PDE4B: variants seen among roughly 807,000 people sequenced by gnomAD.
The protein encoded by PDE4B is 3',5'-cyclic-AMP phosphodiesterase 4B.
In PDE4B, 20 loss-of-function variants were observed where a neutral mutation model predicts 82.2. The ratio of observed to expected loss-of-function variants is 0.24; its 90% CI spans 0.17 to 0.35. PDE4B has a LOEUF of 0.35. Ranked by LOEUF, PDE4B falls within the 10% of genes least tolerant of loss-of-function variation. The pLI is 1.00. For missense variants in PDE4B, 655 were observed against 907.2 expected, an observed-to-expected ratio of 0.72 and a Z score of 3.57; for synonymous variants, 320 against 318.9, an observed-to-expected ratio of 1.00 and a Z score of -0.04.
intron 7 of PDE4B, among the ~76,000 whole-genome samples, chr1:66,276,502 A>G (rs1655888589): frequency 6.6e-6 from 1 of 152,250 alleles, no homozygotes; most frequent in African/African-American, 2.4e-5. Flanking sequence ...AAGCGAAGTG[A>G]CTGGACTACC....
chr1:66,283,353 TTA>T (rs111823978), intron 7 of PDE4B, among the ~76,000 whole-genome samples: 59 of 151,610 alleles, frequency 3.9e-4, no homozygotes, highest in African/African-American at 1.3e-3. Context: ...ATTGTTACTA[TTA>T]TATATATATG....
At chr1:66,327,938 T>C (rs1659849619) in intron 7 of PDE4B, among the ~76,000 whole-genome samples, 1 of 152,208 alleles carries the variant, frequency 6.6e-6, no homozygotes, top group African/African-American at 2.4e-5. Context: ...CAAGATATAG[T>C]CTTGCTAGGA....
chr1:66,310,222 G>T (rs907569697), intron 7 of PDE4B, among the ~76,000 whole-genome samples: 3 of 152,118 alleles, frequency 2.0e-5, no homozygotes, highest in African/African-American at 7.2e-5. Context: ...GACATCATTT[G>T]GTACAACACC....
intron 1 of PDE4B, among the ~76,000 whole-genome samples, chr1:65,862,755 G>A (rs572005193): frequency 3.9e-5 from 6 of 152,062 alleles, no homozygotes; most frequent in South Asian, 4.2e-4. Flanking sequence ...TCAGGGATTC[G>A]GCTTCTTCCT....
At chr1:66,121,240 A>G (rs1326427877) in intron 3 of PDE4B, among the ~76,000 whole-genome samples, 1 of 152,190 alleles carries the variant, frequency 6.6e-6, no homozygotes, top group Non-Finnish European at 1.5e-5. Flanking sequence ...AGGAATGAGC[A>G]CTTCTGAGTG....
intron 7 of PDE4B, among the ~76,000 whole-genome samples, chr1:66,310,957 A>T (rs1199758767): frequency 6.6e-6 from 1 of 152,202 alleles, no homozygotes; most frequent in Non-Finnish European, 1.5e-5. Flanking sequence ...TTAATATTAG[A>T]TTGCATCACA....
At chr1:66,340,275 G>T (rs1034141965) in intron 8 of PDE4B, among the ~76,000 whole-genome samples, 3 of 152,166 alleles carry the variant, frequency 2.0e-5, no homozygotes. Flanking sequence ...TGACTTTAAA[G>T]TAGCCAAGTG....
rs985259910 is a variant in PDE4B at position 66,357,938 on chromosome 1, G to A, written c.841+2318G>A. Among the ~76,000 whole-genome samples the A allele has an allele frequency of 5.3e-5, 8 of 152,262 alleles. No individual in the cohort carries two copies. The East Asian group carries it at 9.6e-4, about 18-fold the overall frequency. ...ATTCTCTGTGGTGAACCCTAGGCTT[G>A]TAATCTGACAATCTCAAAAAACAAA... On this transcript the variant is annotated intron_variant, in intron 9 of 16. Transcript: ENST00000341517.
chr1:66,138,946 A>C (rs990590785), intron 3 of PDE4B, among the ~76,000 whole-genome samples: 11 of 152,192 alleles, frequency 7.2e-5, no homozygotes, highest in Non-Finnish European at 1.6e-4. Context: ...CTTTTAGCTA[A>C]GGAAGCTCTT....
At chr1:66,089,807 T>C (rs1299106405) in intron 3 of PDE4B, among the ~76,000 whole-genome samples, 2 of 152,106 alleles carry the variant, frequency 1.3e-5, no homozygotes, top group Non-Finnish European at 1.5e-5. Flanking sequence ...TTATCTTTGC[T>C]CACAGGATAA....
At chr1:66,183,429 T>C (rs1427622118) in intron 3 of PDE4B, among the ~76,000 whole-genome samples, 1 of 152,172 alleles carries the variant, frequency 6.6e-6, no homozygotes, top group Non-Finnish European at 1.5e-5. Flanking sequence ...TGCTGGGCAA[T>C]TTGGCTGCTG....
At chr1:66,286,245 G>T (rs546974207) in intron 7 of PDE4B, among the ~76,000 whole-genome samples, 2 of 152,182 alleles carry the variant, frequency 1.3e-5, no homozygotes, top group East Asian at 3.9e-4. Flanking sequence ...TTGAGGAGTT[G>T]GAACTTTTTG....
intron 8 of PDE4B, among the ~76,000 whole-genome samples, chr1:66,342,539 G>A (rs2101957687): frequency 7.0e-6 from 1 of 141,978 alleles, no homozygotes; most frequent in East Asian, 2.0e-4. Context: ...ATGAAATACT[G>A]TCTCTAATTA....
At chr1:66,234,795 CTATCTT>C (rs1179699299) in intron 3 of PDE4B, among the ~76,000 whole-genome samples, 1 of 151,946 alleles carries the variant, frequency 6.6e-6, no homozygotes, top group African/African-American at 2.4e-5. Flanking sequence ...TATTTCCGCT[CTATCTT>C]TATTTTTTCC....
chr1:66,274,251 G>A (rs891145786), intron 7 of PDE4B, among the ~76,000 whole-genome samples: 6 of 151,366 alleles, frequency 4.0e-5, no homozygotes, highest in African/African-American at 7.3e-5. Context: ...ACCTCTGCCT[G>A]CCAGGTTCAA....
chr1:65,851,951 C>T (rs1028433748), intron 1 of PDE4B, among the ~76,000 whole-genome samples: 5 of 151,920 alleles, frequency 3.3e-5, no homozygotes, highest in Non-Finnish European at 5.9e-5. Context: ...ATGTTTTAAT[C>T]AGGAACTCTT....
At chr1:66,229,599 A>G (rs1285608771) in intron 3 of PDE4B, among the ~76,000 whole-genome samples, 1 of 152,222 alleles carries the variant, frequency 6.6e-6, no homozygotes, top group Non-Finnish European at 1.5e-5. Context: ...TCAGCACATG[A>G]GAACTTTTGG....
At chr1:65,895,663 T>C (rs905202141) in intron 1 of PDE4B, among the ~76,000 whole-genome samples, 3 of 151,502 alleles carry the variant, frequency 2.0e-5, no homozygotes, top group African/African-American at 4.8e-5. Context: ...TTCTGTCAAA[T>C]AGTAAAAATA....
intron 3 of PDE4B, among the ~76,000 whole-genome samples, chr1:66,074,238 T>C (rs1463063084): frequency 6.6e-6 from 1 of 152,152 alleles, no homozygotes; most frequent in Admixed American, 6.5e-5. Context: ...CCAAATGTTT[T>C]CTTGGTCAGA....
Sources: allele counts gnomAD v4.1 joint callset (sites outside exome capture counted in the v4.1 genomes callset), GRCh38; gene constraint gnomAD v4.1.1; transcripts MANE v1.5; gene names NCBI Gene and HGNC (gene_info 2026-07-23, HGNC 2026-07-21).